FLRT2: variants seen among roughly 807,000 people sequenced by gnomAD.
FLRT2 encodes the protein leucine-rich repeat transmembrane protein FLRT2.
In FLRT2, 15 loss-of-function variants were observed where a neutral mutation model predicts 40.0. The observed-to-expected ratio is 0.38, with a 90% CI of 0.25 to 0.58. The LOEUF is 0.58. Ranked by LOEUF, FLRT2 falls within the 20% of genes least tolerant of loss-of-function variation. The pLI, the probability that FLRT2 is intolerant of heterozygous loss-of-function variation, is 0.71. For synonymous variants in FLRT2, 380 were observed against 336.8 expected (o/e 1.13, Z -1.41); for missense variants, 726 against 840.0 (o/e 0.86, Z 1.68).
At position 85,623,586 on chromosome 14, in the gene FLRT2, GATAA is replaced by G. The variant is rs558361153; in HGVS notation, c.*92_*95del. The G allele has an allele frequency of 1.9e-6, 2 of 1,054,614 alleles. No homozygotes were observed. Among genetic ancestry groups the G allele is most frequent in the South Asian group, 6.7e-5 (2 of 29,702 alleles). The allele number at this position is 1,054,614 out of a possible 1,614,324, so 65.3% of individuals were successfully genotyped here. A position where few individuals can be genotyped will look rare whatever the true frequency, so the allele number is the denominator to read the frequency against. The stretch of plus-strand genomic sequence containing the variant: ...ACATAAAGACACGCAGATTACATTT[GATAA>G]ATGTTACACAGATGCATTTGTGCAT... On this transcript the variant is annotated 3_prime_UTR_variant, in exon 2 of 2. Transcript: ENST00000330753.
chr14:85,545,071 A>C (rs963615592), intron 1 of FLRT2, among the ~76,000 whole-genome samples: 6 of 152,072 alleles, frequency 3.9e-5, no homozygotes, highest in African/African-American at 1.4e-4. Context: ...ACCCCTTAAT[A>C]CTGGAGGCTT....
In FLRT2 at chr14:85,621,953, A is replaced by G; in HGVS notation, c.439A>G (p.Thr147Ala). Residue 147 changes from threonine (T) to alanine (A), a missense_variant, in exon 2 of 2, where the codon ACA becomes GCA. Coordinates refer to ENST00000330753, the MANE Select transcript of FLRT2 (RefSeq NM_013231.6). ...GCACCTGGATGACAACTCCATATCCACAGTGGGGGTGGAAGACGGGGCCTT... is the reference window on the plus strand; with the variant it reads ...GCACCTGGATGACAACTCCATATCCGCAGTGGGGGTGGAAGACGGGGCCTT... ...ELHLDDNSISTVGVEDGAFRE... is the reference protein window; with the variant it reads ...ELHLDDNSISAVGVEDGAFRE... The G allele has an allele frequency of 6.2e-7, 1 of 1,601,130 alleles. No homozygotes were observed. The highest frequency in any genetic ancestry group is 8.5e-7 in the Non-Finnish European group (1 of 1,173,586).
At chr14:85,581,936 C>A (rs531128968) in intron 1 of FLRT2, among the ~76,000 whole-genome samples, 1 of 152,086 alleles carries the variant, frequency 6.6e-6, no homozygotes, top group Admixed American at 6.5e-5. Flanking sequence ...TCTTACTTAG[C>A]CTTTGAAAGG....
At chr14:85,541,902 T>A (rs1789502741) in intron 1 of FLRT2, among the ~76,000 whole-genome samples, 1 of 152,192 alleles carries the variant, frequency 6.6e-6, no homozygotes, top group South Asian at 2.1e-4. Flanking sequence ...ACTATGACAC[T>A]GAGCTCAGTG....
At chr14:85,571,528 C>T (rs538013980) in intron 1 of FLRT2, among the ~76,000 whole-genome samples, 1 of 152,180 alleles carries the variant, frequency 6.6e-6, no homozygotes, top group African/African-American at 2.4e-5. Context: ...GCTGCCTATA[C>T]CAAAGATTGA....
chr14:85,608,093 C>A (rs192708227), intron 1 of FLRT2, among the ~76,000 whole-genome samples: 1 of 152,234 alleles, frequency 6.6e-6, no homozygotes, highest in African/African-American at 2.4e-5. Flanking sequence ...TCGATGCTCC[C>A]CTTAAAGACT....
chr14:85,601,772 T>C (rs1450825130), intron 1 of FLRT2, among the ~76,000 whole-genome samples: 2 of 152,192 alleles, frequency 1.3e-5, no homozygotes, highest in East Asian at 3.9e-4. Context: ...AAATATTAGA[T>C]TTTAAATAAT....
chr14:85,585,945 A>G (rs1376200202), intron 1 of FLRT2, among the ~76,000 whole-genome samples: 1 of 151,078 alleles, frequency 6.6e-6, no homozygotes, highest in Non-Finnish European at 1.5e-5. Context: ...TTGGCTCTAC[A>G]TGCTTTTAAT....
Position 85,636,403 on chromosome 14 carries a change from A to AAAC in FLRT2, c.*12908_*12909insCAA, listed in dbSNP as rs1555373245. 1.4e-4 allele frequency: 18 copies of AAAC among 131,038 alleles called. No homozygotes were observed. The highest frequency in any genetic ancestry group is 4.9e-4 in the African/African-American group (17 of 34,954). 8.1% of individuals were successfully genotyped at this position (131,038 alleles called of 1,614,324 possible). The stretch of plus-strand genomic sequence containing the variant: ...AAGTCACCTGCAGAAAAAAAAAAAA[A>AAAC]AAAAACAAAAAACATTCTTATTAAT... On this transcript the variant is annotated 3_prime_UTR_variant, in exon 2 of 2. Coordinates refer to ENST00000330753, the MANE Select transcript of FLRT2 (RefSeq NM_013231.6).
intron 1 of FLRT2, among the ~76,000 whole-genome samples, chr14:85,584,307 A>G (rs951984692): frequency 6.6e-6 from 1 of 152,210 alleles, no homozygotes; most frequent in Non-Finnish European, 1.5e-5. Context: ...AGGACATTGC[A>G]CTTATTTCCT....
Position 85,621,443 on chromosome 14 carries a change from T to G in FLRT2, c.-72T>G. ...TCAACAGAACCCCATCCAGTCATTT[T>G]GATTTTGCTGTTTATTTTTTTTTTC... On this transcript the variant is annotated 5_prime_UTR_variant, in exon 2 of 2. Transcript: ENST00000330753. 1 of 1,422,200 alleles carries G rather than the reference T, an allele frequency of 7.0e-7. No homozygotes were observed. Among genetic ancestry groups the G allele is most frequent in the Middle Eastern group, 2.0e-4 (1 of 5,106 alleles). 88.1% of individuals were successfully genotyped at this position (1,422,200 alleles called of 1,614,324 possible). A position where few individuals can be genotyped will look rare whatever the true frequency, so the allele number is the denominator to read the frequency against.
At chr14:85,583,667 A>T (rs1328157649) in intron 1 of FLRT2, among the ~76,000 whole-genome samples, 1 of 152,164 alleles carries the variant, frequency 6.6e-6, no homozygotes, top group Non-Finnish European at 1.5e-5. Flanking sequence ...GGCATTGTGC[A>T]CGGAAGGAGA....
chr14:85,610,417 C>T (rs1892807124), intron 1 of FLRT2, among the ~76,000 whole-genome samples: 2 of 152,144 alleles, frequency 1.3e-5, no homozygotes, highest in African/African-American at 4.8e-5. Flanking sequence ...ATCCAGGTAG[C>T]GTCTTTGATC....
At chr14:85,614,131 C>T (rs568468360) in intron 1 of FLRT2, among the ~76,000 whole-genome samples, 1 of 152,204 alleles carries the variant, frequency 6.6e-6, no homozygotes, top group South Asian at 2.1e-4. Context: ...TTATTTTCTC[C>T]ATTTTATATG....
At chr14:85,607,263 C>G (rs186146355) in intron 1 of FLRT2, among the ~76,000 whole-genome samples, 1 of 152,212 alleles carries the variant, frequency 6.6e-6, no homozygotes, top group Admixed American at 6.5e-5. Flanking sequence ...TCCCTCCTCT[C>G]CTGGAAGTTT....
chr14:85,553,765 TTTG>T (rs768789163), intron 1 of FLRT2, among the ~76,000 whole-genome samples: 47 of 152,232 alleles, frequency 3.1e-4, no homozygotes, highest in Non-Finnish European at 5.7e-4. Context: ...CTATAAATAT[TTTG>T]TTGTTGTTTT....
chr14:85,648,457 T>C lies in FLRT2; in HGVS notation c.*24960T>C, dbSNP rs1234119038. ...GCAGAGGCCATCTTTGTGTTGCTGG[T>C]TTGATTAGCAAGTTTGCTAAGACAT... On this transcript the variant is annotated 3_prime_UTR_variant, in exon 2 of 2. Coordinates refer to ENST00000330753, the MANE Select transcript of FLRT2 (RefSeq NM_013231.6). 1 of 152,168 alleles carries C rather than the reference T, an allele frequency of 6.6e-6. No homozygotes were observed. Among genetic ancestry groups the C allele is most frequent in the Non-Finnish European group, 1.5e-5 (1 of 68,026 alleles). The allele number at this position is 152,168 out of a possible 1,614,324, so 9.4% of individuals were successfully genotyped here.
intron 1 of FLRT2, among the ~76,000 whole-genome samples, chr14:85,556,155 A>C (rs1889947085): frequency 6.6e-6 from 1 of 152,166 alleles, no homozygotes; most frequent in African/African-American, 2.4e-5. Context: ...TGGACATTTA[A>C]AACTTTTTTA....
chr14:85,581,153 C>T (rs182675352), intron 1 of FLRT2, among the ~76,000 whole-genome samples: 3 of 152,242 alleles, frequency 2.0e-5, no homozygotes, highest in African/African-American at 7.2e-5. Flanking sequence ...TTTGCGCGAC[C>T]GCCCACAGTG....
Sources: gnomAD v4.1 joint callset for allele counts (sites outside exome capture counted in the v4.1 genomes callset) on GRCh38, gnomAD v4.1.1 for gene constraint, MANE v1.5 for transcripts, NCBI Gene and HGNC (gene_info 2026-07-23, HGNC 2026-07-21) for gene names.